MAST2: variants seen among roughly 807,000 people sequenced by gnomAD.
MAST2 encodes the protein microtubule-associated serine/threonine-protein kinase 2.
A neutral mutation model predicts 147.4 loss-of-function variants in MAST2; 70 were observed. The observed-to-expected ratio is 0.47, with a 90% confidence interval of 0.39 to 0.58. MAST2 has a LOEUF of 0.58. Ranked by LOEUF, MAST2 falls within the 20% of genes least tolerant of loss-of-function variation. The pLI, the probability that MAST2 is intolerant of heterozygous loss-of-function variation, is 0.00. For missense variants in MAST2, 2,080 were observed against 2,302.3 expected, an observed-to-expected ratio of 0.90 and a Z score of 1.98; for synonymous variants, 869 against 896.8, an observed-to-expected ratio of 0.97 and a Z score of 0.55.
intron 17 of MAST2, 148 bp downstream of exon 17, chr1:46,028,011 C>T (rs1299511957): frequency 1.1e-6 from 1 of 902,214 alleles, no homozygotes; most frequent in Non-Finnish European, 1.7e-6. Context: ...GACCCCATCT[C>T]TACATTTGTG....
intron 5 of MAST2, among the ~76,000 whole-genome samples, chr1:45,982,675 C>A (rs549440076): frequency 1.3e-5 from 2 of 152,198 alleles, no homozygotes; most frequent in South Asian, 4.2e-4. Context: ...TCTCTGAATT[C>A]TATTAGTTGT....
intron 4 of MAST2, among the ~76,000 whole-genome samples, chr1:45,916,410 C>G (rs1652514520): frequency 1.3e-5 from 2 of 152,074 alleles, no homozygotes; most frequent in Non-Finnish European, 2.9e-5. Flanking sequence ...CTAATGGTAG[C>G]AAATTAGAAA....
chr1:45,945,834 G>A (rs971216373), intron 4 of MAST2, among the ~76,000 whole-genome samples: 3 of 152,086 alleles, frequency 2.0e-5, no homozygotes, highest in African/African-American at 7.2e-5. Flanking sequence ...AGAGGCCATG[G>A]GAACTAGTAA....
intron 16 of MAST2, among the ~76,000 whole-genome samples, chr1:46,026,409 G>C (rs1646412754): frequency 6.6e-6 from 1 of 152,172 alleles, no homozygotes; most frequent in South Asian, 2.1e-4. Context: ...AGGCTAGAGA[G>C]AGAGGCAGGA....
chr1:45,821,099 C>T (rs1261416215), intron 1 of MAST2, among the ~76,000 whole-genome samples: 1 of 151,788 alleles, frequency 6.6e-6, no homozygotes, highest in Non-Finnish European at 1.5e-5. Context: ...AGAGTTTCGC[C>T]ATGTTGCCCA....
At chr1:46,000,890 C>A in intron 6 of MAST2, 1 of 1,170,394 alleles carries the variant, frequency 8.5e-7, no homozygotes, top group Non-Finnish European at 1.1e-6. Context: ...GACCAAATAC[C>A]AAGATTCAAA....
chr1:45,912,961 A>C (rs951698262), intron 4 of MAST2, among the ~76,000 whole-genome samples: 3 of 152,196 alleles, frequency 2.0e-5, no homozygotes, highest in African/African-American at 7.2e-5. Flanking sequence ...CAGGTGGGGA[A>C]ACCAAAGCAT....
chr1:45,922,192 G>A (rs954327139), intron 4 of MAST2, among the ~76,000 whole-genome samples: 8 of 152,222 alleles, frequency 5.3e-5, no homozygotes, highest in Non-Finnish European at 1.0e-4. Flanking sequence ...GGAAGTGCAT[G>A]CTGGTTGGTC....
chr1:46,020,538 T>C (rs570902372), intron 11 of MAST2, among the ~76,000 whole-genome samples: 1 of 152,232 alleles, frequency 6.6e-6, no homozygotes, highest in Non-Finnish European at 1.5e-5. Flanking sequence ...AAAAATATTA[T>C]TAAGGTATAA....
chr1:45,999,019 A>G (rs577950336), intron 6 of MAST2, among the ~76,000 whole-genome samples: 21 of 152,328 alleles, frequency 1.4e-4, no homozygotes, highest in Non-Finnish European at 2.6e-4. Context: ...GGCATGAGCC[A>G]CCGTGCCCGG....
intron 5 of MAST2, among the ~76,000 whole-genome samples, chr1:45,988,363 A>G (rs539638119): frequency 1.1e-4 from 17 of 152,260 alleles, no homozygotes; most frequent in Admixed American, 9.2e-4. Flanking sequence ...ATTCAGAAGT[A>G]TATTGTTTAG....
rs144890129 is a variant in MAST2 at position 46,000,832 on chromosome 1, C to T, written c.669-1973C>T. ...GATAGACCCATTGGTCCTACAATTT[C>T]ACTTCAAACTATCACACATTCCTAA... On this transcript the variant is annotated intron_variant, in intron 6 of 28. Coordinates refer to ENST00000361297, the MANE Select transcript of MAST2 (RefSeq NM_015112.3). The T allele has an allele frequency of 3.7e-4, 207 of 559,010 alleles. 4 individuals are homozygous for T. The highest frequency in any genetic ancestry group is 3.2e-3 in the African/African-American group (165 of 51,966). The allele number at this position is 559,010 out of a possible 1,614,324, so 34.6% of individuals were successfully genotyped here.
At chr1:45,975,731 T>G (rs1431924375) in intron 5 of MAST2, among the ~76,000 whole-genome samples, 1 of 150,724 alleles carries the variant, frequency 6.6e-6, no homozygotes, top group Non-Finnish European at 1.5e-5. Flanking sequence ...TGTTACTAGA[T>G]TATAAACTGC....
intron 3 of MAST2, chr1:45,847,660 C>T (rs1645485105): frequency 7.3e-6 from 3 of 409,268 alleles, no homozygotes; most frequent in Non-Finnish European, 1.4e-5. Context: ...CCCAGGCAGT[C>T]TCACCAACCA....
chr1:46,031,238 G>A lies in MAST2; in HGVS notation c.2940G>A (p.Gln980=). The A allele has an allele frequency of 6.5e-7, 1 of 1,539,338 alleles. No individual in the cohort carries two copies. ...SGPVTEHSGE[Q]RPKLDEEAVG... Reference sequence around the variant, plus strand: ...CTGTCACTGAACACTCAGGGGAGCAGCGGCCAAAGCTGGATGAGGAAGCTG... The same window carrying A: ...CTGTCACTGAACACTCAGGGGAGCAACGGCCAAAGCTGGATGAGGAAGCTG... The change falls in exon 23 of 29, where the codon CAG becomes CAA. Residue 980 remains glutamine (Q), a synonymous_variant. Transcript: ENST00000361297. This position sits in a 1 kb window ranked among gnomAD's most constrained non-coding sequence, Gnocchi z 4.1.
rs1427538452 is a variant in MAST2, at chr1:46,027,670, A to G, written c.1920-61A>G. 5.1e-6 allele frequency: 8 copies of G among 1,564,052 alleles called. No homozygotes were observed. The Admixed American group carries it at 9.0e-5, about 18-fold the overall frequency. On this transcript the variant is annotated intron_variant, in intron 16 of 28. Coordinates refer to ENST00000361297, the MANE Select transcript of MAST2 (RefSeq NM_015112.3). Reference sequence around the variant, plus strand: ...TGAGTGGGGAAACTGGGCATATACTAAAATCAGTACTCTCAGAAAACCAGG... The same window carrying G: ...TGAGTGGGGAAACTGGGCATATACTGAAATCAGTACTCTCAGAAAACCAGG...
At chr1:45,827,274 G>A (rs1363722242) in intron 2 of MAST2, among the ~76,000 whole-genome samples, 1 of 152,158 alleles carries the variant, frequency 6.6e-6, no homozygotes, top group Admixed American at 6.6e-5. Flanking sequence ...ATTTTTAAGA[G>A]GTTTTCTTTT....
intron 4 of MAST2, among the ~76,000 whole-genome samples, chr1:45,901,207 T>C (rs1649707713): frequency 6.6e-6 from 1 of 152,186 alleles, no homozygotes; most frequent in African/African-American, 2.4e-5. Context: ...CCAGTTTCAT[T>C]CTTCTGCATA....
chr1:45,804,127 G>C, intron 1 of MAST2, 55 bp downstream of exon 1: 1 of 1,270,566 alleles, frequency 7.9e-7, no homozygotes, highest in Non-Finnish European at 1.0e-6. Flanking sequence ...GTGGGGGAGG[G>C]GATCTTCGGC....
Sources: allele counts gnomAD v4.1 joint callset (sites outside exome capture counted in the v4.1 genomes callset), GRCh38; gene constraint gnomAD v4.1.1; non-coding constraint Gnocchi (gnomAD v3.1); transcripts MANE v1.5; gene names NCBI Gene and HGNC (gene_info 2026-07-23, HGNC 2026-07-21).